KIF13A: variants seen among roughly 807,000 people sequenced by gnomAD.
KIF13A encodes the protein kinesin family member 13A.
KIF13A carries 79 observed loss-of-function variants against 212.2 expected under a neutral mutation model. The observed-to-expected ratio is 0.37, with a 90% CI of 0.31 to 0.45. The LOEUF is 0.45. Among genes scored for constraint, KIF13A ranks in the 20% least tolerant of loss-of-function variants. The pLI is 1.00. For synonymous variants in KIF13A, 789 were observed against 808.6 expected, an observed-to-expected ratio of 0.98 and a Z score of 0.41; for missense variants, 1,901 against 2,209.0, an observed-to-expected ratio of 0.86 and a Z score of 2.79.
In KIF13A at chr6:17,817,184, T is replaced by G; in HGVS notation, c.1836A>C (p.Glu612Asp). 1 of 1,614,046 alleles carries G rather than the reference T, an allele frequency of 6.2e-7. No individual in the cohort carries two copies. Among genetic ancestry groups the G allele is most frequent in the Non-Finnish European group, 8.5e-7 (1 of 1,179,900 alleles). Residue 612 changes from glutamate to aspartate, a missense_variant, in exon 17 of 39, where the codon GAA (glutamate) becomes GAC (aspartate). By Grantham distance (45) the Glu-to-Asp change is conservative (BLOSUM62 2). This residue lies in a region of KIF13A where 534 missense variants were observed against 536.9 expected (regional missense o/e 0.99). Transcript: ENST00000259711. ...VQVLEKQYLE[E>D]KRSALEEQRL... ...GCTGCTCCTCTAGGGCACTTCTCTT[T>G]TCTTCTAGGTATTGTTTCTCCAGGA...
At chr6:17,957,702 G>A (rs1778456993) in intron 2 of KIF13A, among the ~76,000 whole-genome samples, 1 of 152,080 alleles carries the variant, frequency 6.6e-6, no homozygotes, top group Admixed American at 6.6e-5. Flanking sequence ...ACACCCAGCT[G>A]GTGTTCACTG....
chr6:17,908,370 T>C (rs75571576), intron 2 of KIF13A, among the ~76,000 whole-genome samples: 1 of 152,206 alleles, frequency 6.6e-6, no homozygotes, highest in East Asian at 1.9e-4. Flanking sequence ...GAGGTCACAA[T>C]GGGAGGACTG....
At chr6:17,765,753 T>C (rs1380152275) in intron 38 of KIF13A, among the ~76,000 whole-genome samples, 8 of 152,236 alleles carry the variant, frequency 5.3e-5, no homozygotes, top group Admixed American at 6.5e-5. Flanking sequence ...GATTCTTTTA[T>C]ATTTGGTAGA....
At chr6:17,801,456 C>T (rs958907667) in intron 20 of KIF13A, among the ~76,000 whole-genome samples, 3 of 152,134 alleles carry the variant, frequency 2.0e-5, no homozygotes, top group Admixed American at 6.5e-5. Flanking sequence ...GAGCCGAGAT[C>T]GCACCACTGT....
intron 38 of KIF13A, among the ~76,000 whole-genome samples, chr6:17,767,634 C>T (rs1256033539): frequency 6.6e-6 from 1 of 152,286 alleles, no homozygotes; most frequent in East Asian, 1.9e-4. Flanking sequence ...CAAGTCCAAG[C>T]ATACCTGATG....
intron 4 of KIF13A, among the ~76,000 whole-genome samples, chr6:17,868,173 G>A (rs768499867): frequency 2.0e-5 from 3 of 152,268 alleles, no homozygotes; most frequent in Admixed American, 6.5e-5. Flanking sequence ...GCCAGGGAAT[G>A]TTCACATCCA....
At chr6:17,973,331 AAAG>A (rs571663821) in intron 2 of KIF13A, among the ~76,000 whole-genome samples, 47 of 152,338 alleles carry the variant, frequency 3.1e-4, no homozygotes, top group Admixed American at 2.2e-3. Flanking sequence ...AGACACAGGC[AAAG>A]GAGGTATGTA....
At position 17,794,421 on chromosome 6, in the gene KIF13A, G is replaced by A. The variant is rs1761858654; in HGVS notation, c.3076-26C>T. 2 of 1,597,528 alleles carry A rather than the reference G, an allele frequency of 1.3e-6. No individual in the cohort carries two copies. Among genetic ancestry groups the A allele is most frequent in the Admixed American group, 1.7e-5 (1 of 58,204 alleles). Reference sequence around the variant, plus strand: ...CTGAAGAGGGTGGGGAGGAGTATGGGTGCCAGGAATGATAATGAAAAGGAA... The same window carrying A: ...CTGAAGAGGGTGGGGAGGAGTATGGATGCCAGGAATGATAATGAAAAGGAA... On this transcript the variant is annotated intron_variant, in intron 24 of 38. Transcript: ENST00000259711. The surrounding 1 kb of genome is among the most constrained non-coding windows in gnomAD (Gnocchi z 4.1).
At chr6:17,770,718 TA>T in intron 38 of KIF13A, 1 of 805,498 alleles carries the variant, frequency 1.2e-6, no homozygotes. Context: ...TATCCACAGC[TA>T]AATGCATTAA....
At chr6:17,889,998 G>A (rs1771898116) in intron 3 of KIF13A, among the ~76,000 whole-genome samples, 1 of 151,950 alleles carries the variant, frequency 6.6e-6, no homozygotes, top group African/African-American at 2.4e-5. Flanking sequence ...CTGTTGACAG[G>A]AAAGACAGGG....
chr6:17,927,798 T>C (rs1381658024), intron 2 of KIF13A, among the ~76,000 whole-genome samples: 5 of 152,138 alleles, frequency 3.3e-5, no homozygotes, highest in East Asian at 3.9e-4. Flanking sequence ...GGTGAGGATA[T>C]GGGAGGCTGG....
chr6:17,982,521 A>T lies in KIF13A; in HGVS notation c.146+4533T>A. On this transcript the variant is annotated intron_variant, in intron 2 of 38. Coordinates refer to ENST00000259711, the MANE Select transcript of KIF13A (RefSeq NM_022113.6). This position sits in a 1 kb window ranked among gnomAD's most constrained non-coding sequence, Gnocchi z 5.1. The stretch of plus-strand genomic sequence containing the variant: ...TCTTCAACTGACCCTCCCTCACACG[A>T]TTTGCAAGGTGTATTGTTCATCCTG... 1 of 662,984 alleles carries T rather than the reference A, an allele frequency of 1.5e-6. No homozygotes were observed. The highest frequency in any genetic ancestry group is 1.9e-6 in the Non-Finnish European group (1 of 536,022). 41.1% of individuals were successfully genotyped at this position (662,984 alleles called of 1,614,324 possible).
chr6:17,949,088 T>C (rs564864869), intron 2 of KIF13A, among the ~76,000 whole-genome samples: 4 of 152,292 alleles, frequency 2.6e-5, no homozygotes, highest in African/African-American at 9.6e-5. Flanking sequence ...GAGAGGGGAA[T>C]GTACACCATC....
At chr6:17,810,807 G>A (rs1310868450) in intron 17 of KIF13A, among the ~76,000 whole-genome samples, 1 of 152,180 alleles carries the variant, frequency 6.6e-6, no homozygotes, top group African/African-American at 2.4e-5. Flanking sequence ...GTGCTCCTGT[G>A]AGAATCTAAT....
At chr6:17,903,263 C>T (rs1201343202) in intron 2 of KIF13A, among the ~76,000 whole-genome samples, 1 of 152,178 alleles carries the variant, frequency 6.6e-6, no homozygotes, top group East Asian at 1.9e-4. Flanking sequence ...TTGTTACTCT[C>T]CTTGCATATT....
intron 2 of KIF13A, among the ~76,000 whole-genome samples, chr6:17,985,647 A>AG (rs1781494079): frequency 1.8e-5 from 1 of 55,230 alleles, no homozygotes; most frequent in African/African-American, 8.7e-5. Flanking sequence ...GGGTGGGGGG[A>AG]GGGGACATTC....
Position 17,808,894 on chromosome 6 carries a change from T to C in KIF13A, c.2037A>G (p.Arg679=). ...ELFRQSLAKL[R]EQLVKANTLV... ...AGGTATTAGCTTTAACCAGCTGCTC[T>C]CGCAGTTTTGCCAGGCTTTGTCGGA... is the stretch of plus-strand genomic sequence containing the variant. The change falls in exon 18 of 39, where the codon CGA becomes CGG. Residue 679 remains arginine, a synonymous_variant. Coordinates refer to ENST00000259711, the MANE Select transcript of KIF13A (RefSeq NM_022113.6). 6.2e-7 allele frequency: 1 copy of C among 1,613,314 alleles called. No individual in the cohort carries two copies. The highest frequency in any genetic ancestry group is 8.5e-7 in the Non-Finnish European group (1 of 1,179,622).
chr6:17,813,597 T>C (rs1176428999), intron 17 of KIF13A, among the ~76,000 whole-genome samples: 1 of 152,166 alleles, frequency 6.6e-6, no homozygotes, highest in Non-Finnish European at 1.5e-5. Context: ...TTCTCTTCAT[T>C]TAACATTAAC....
chr6:17,983,753 GCT>G, intron 2 of KIF13A, among the ~76,000 whole-genome samples: 1 of 152,178 alleles, frequency 6.6e-6, no homozygotes, highest in South Asian at 2.1e-4. Context: ...CTCCCAAAGT[GCT>G]GGGATTACAG....
Sources: allele counts gnomAD v4.1 joint callset (sites outside exome capture counted in the v4.1 genomes callset), GRCh38; gene constraint gnomAD v4.1.1; regional missense constraint gnomAD v4.1.1; non-coding constraint Gnocchi (gnomAD v3.1); transcripts MANE v1.5; gene names NCBI Gene and HGNC (gene_info 2026-07-23, HGNC 2026-07-21).